Variants in MTHFD1L observed in about 807,000 individuals in gnomAD.
MTHFD1L encodes the protein monofunctional C1-tetrahydrofolate synthase, mitochondrial.
In MTHFD1L, 81 loss-of-function variants were observed where a neutral mutation model predicts 119.5. That is an observed-to-expected ratio of 0.68 (90% CI 0.57 to 0.82). MTHFD1L has a LOEUF of 0.82. MTHFD1L is among the 40% of genes least tolerant of loss of function. The pLI, the probability that MTHFD1L is intolerant of heterozygous loss-of-function variation, is 0.00. For missense variants in MTHFD1L, 1,125 were observed against 1,253.4 expected (o/e 0.90, Z 1.55); for synonymous variants, 430 against 475.2 (o/e 0.90, Z 1.24).
chr6:150,972,510 C>T (rs886678790), intron 20 of MTHFD1L, among the ~76,000 whole-genome samples: 6 of 152,150 alleles, frequency 3.9e-5, no homozygotes, highest in East Asian at 1.9e-4. Context: ...AACAGATAGG[C>T]GCAGTGGCAC....
chr6:151,096,168 A>T (rs1794882077), intron 27 of MTHFD1L, among the ~76,000 whole-genome samples: 1 of 152,148 alleles, frequency 6.6e-6, no homozygotes, highest in South Asian at 2.1e-4. Flanking sequence ...TAATGAGGTA[A>T]TTTTTTCTAA....
intron 20 of MTHFD1L, among the ~76,000 whole-genome samples, chr6:150,973,244 C>G (rs1416921901): frequency 6.6e-6 from 1 of 152,176 alleles, no homozygotes. Context: ...ATTTTATGCT[C>G]AGACATCACA....
At chr6:151,055,358 GC>G (rs1266905669) in intron 26 of MTHFD1L, among the ~76,000 whole-genome samples, 2 of 152,084 alleles carry the variant, frequency 1.3e-5, no homozygotes, top group Admixed American at 6.5e-5. Flanking sequence ...ACTCATTAAT[GC>G]CCCCAGCACC....
intron 13 of MTHFD1L, 67 bp downstream of exon 13, chr6:150,938,812 C>G (rs1405429012): frequency 1.3e-6 from 2 of 1,534,434 alleles, no homozygotes; most frequent in Non-Finnish European, 1.8e-6. Context: ...GTCTCTGCTC[C>G]CATCCACACA....
rs1786279919 is a variant in MTHFD1L, at chr6:151,037,035, G to A, written c.2765G>A (p.Gly922Asp). 3 of 1,611,980 alleles carry A rather than the reference G, an allele frequency of 1.9e-6. No individual in the cohort carries two copies. Among genetic ancestry groups the A allele is most frequent in the Middle Eastern group, 2.3e-4 (1 of 4,430 alleles). The change falls in exon 26 of 28, where the codon GGT (glycine) becomes GAT (aspartate). Residue 922 changes from glycine (G) to aspartate (D), a missense_variant. Coordinates refer to ENST00000367321, the MANE Select transcript of MTHFD1L (RefSeq NM_015440.5). ...CTATCTCACCAACCTGACAAAAAAG[G>A]TGTGCCAAGGGACTTCATCTTACCT... is the stretch of plus-strand genomic sequence containing the variant. ...LSLSHQPDKK[G>D]VPRDFILPIS...
In MTHFD1L at chr6:150,903,203, A is replaced by ATTCTTTTTTT. The variant is rs1562348409; in HGVS notation, c.781-2445_781-2444insCTTTTTTTTT. Among the ~76,000 whole-genome samples the ATTCTTTTTTT allele has an allele frequency of 4.7e-5, 4 of 85,474 alleles. 1 individual carries two copies. Among genetic ancestry groups the ATTCTTTTTTT allele is most frequent in the African/African-American group, 2.0e-4 (4 of 19,990 alleles). The allele number at this position is 85,474 out of a possible 152,430, so 56.1% of individuals were successfully genotyped here. On this transcript the variant is annotated intron_variant, in intron 7 of 27. Coordinates refer to ENST00000367321, the MANE Select transcript of MTHFD1L (RefSeq NM_015440.5). ...GATTGCTGGTGATATTGGCTGCAAAATTTTTTTTTTTTTTTTTTTTTTTTT... is the reference window on the plus strand; with the variant it reads ...GATTGCTGGTGATATTGGCTGCAAAATTCTTTTTTTTTTTTTTTTTTTTTTTTTTTTTTTT...
At position 150,887,968 on chromosome 6, in the gene MTHFD1L, A is replaced by G. The variant is rs761493886; in HGVS notation, c.767A>G (p.Gln256Arg). The change falls in exon 7 of 28, where the codon CAG becomes CGG. Residue 256 changes from glutamine to arginine, a missense_variant. Coordinates refer to ENST00000367321, the MANE Select transcript of MTHFD1L (RefSeq NM_015440.5). ...ATGAGCATCCAGTGGAAAACACGCC[A>G]GCTTCAAAGCAAGGTAAATTTCATG... ...MTMSIQWKTR[Q>R]LQSKLHEADI... The G allele has an allele frequency of 9.4e-6, 15 of 1,601,220 alleles. No individual in the cohort carries two copies. In the South Asian group the frequency reaches 1.7e-4, roughly 18 times the overall value.
At chr6:150,995,930 G>C (rs552787661) in intron 20 of MTHFD1L, among the ~76,000 whole-genome samples, 37 of 150,966 alleles carry the variant, frequency 2.5e-4, no homozygotes, top group Non-Finnish European at 4.1e-4. Context: ...CAAAGTGCTG[G>C]GATTACAGGC....
intron 25 of MTHFD1L, 82 bp downstream of exon 25, chr6:151,034,682 T>G (rs1785877598): frequency 1.2e-6 from 1 of 858,464 alleles, no homozygotes; most frequent in East Asian, 2.5e-5. Context: ...GATTTGTACA[T>G]ATCGCACCAG....
At chr6:150,979,252 G>T (rs373960687) in intron 20 of MTHFD1L, among the ~76,000 whole-genome samples, 1 of 152,084 alleles carries the variant, frequency 6.6e-6, no homozygotes, top group South Asian at 2.1e-4. Context: ...AAAATAAGAA[G>T]AATTTTGGGT....
intron 19 of MTHFD1L, among the ~76,000 whole-genome samples, chr6:150,969,962 C>G (rs1797796266): frequency 6.6e-6 from 1 of 152,138 alleles, no homozygotes; most frequent in Non-Finnish European, 1.5e-5. Context: ...AACTCTTGTA[C>G]CCTGATCCTA....
intron 9 of MTHFD1L, among the ~76,000 whole-genome samples, chr6:150,920,495 A>G (rs1312482446): frequency 6.6e-6 from 1 of 152,216 alleles, no homozygotes; most frequent in Non-Finnish European, 1.5e-5. Flanking sequence ...TGTAAGGATT[A>G]TAAGTTACAT....
At chr6:151,035,872 A>C (rs1786086116) in intron 25 of MTHFD1L, among the ~76,000 whole-genome samples, 2 of 152,200 alleles carry the variant, frequency 1.3e-5, no homozygotes, top group Non-Finnish European at 1.5e-5. Flanking sequence ...AGTTCATAGA[A>C]ATTACTTCAA....
chr6:151,038,414 G>C lies in MTHFD1L; in HGVS notation c.2847+1297G>C, dbSNP rs150571717. Among the ~76,000 whole-genome samples, 482 of 152,174 alleles carry C rather than the reference G, an allele frequency of 3.2e-3. 14 individuals carry two copies. The East Asian group carries it at 0.074, about 23-fold the overall frequency. On this transcript the variant is annotated intron_variant, in intron 26 of 27. Coordinates refer to ENST00000367321, the MANE Select transcript of MTHFD1L (RefSeq NM_015440.5). ...CCGATGTGGCTGGAGTTGGATGAGG[G>C]GGGGTGGCTGGGGATGGGAATGGGA... is the stretch of plus-strand genomic sequence containing the variant.
At chr6:151,082,220 G>A (rs940055794) in intron 26 of MTHFD1L, among the ~76,000 whole-genome samples, 8 of 152,300 alleles carry the variant, frequency 5.3e-5, no homozygotes, top group African/African-American at 1.9e-4. Flanking sequence ...TATGACACAT[G>A]AGGAATGGAA....
At chr6:151,092,725 A>G in intron 27 of MTHFD1L, 138 bp downstream of exon 27, 1 of 606,276 alleles carries the variant, frequency 1.6e-6, no homozygotes, top group Non-Finnish European at 2.9e-6. Flanking sequence ...TTCCTACCAA[A>G]TGATTTTCCG....
At chr6:151,094,430 T>G (rs769294808) in intron 27 of MTHFD1L, among the ~76,000 whole-genome samples, 8 of 152,236 alleles carry the variant, frequency 5.3e-5, no homozygotes, top group Non-Finnish European at 8.8e-5. Context: ...TGGCGTGATC[T>G]CTGCTCACTG....
At chr6:150,880,744 C>A (rs1781273685) in intron 4 of MTHFD1L, among the ~76,000 whole-genome samples, 1 of 152,182 alleles carries the variant, frequency 6.6e-6, no homozygotes, top group South Asian at 2.1e-4. Flanking sequence ...CTCCCCTTTC[C>A]ACATATCCTC....
At chr6:151,084,988 T>A (rs2064975) in intron 26 of MTHFD1L, among the ~76,000 whole-genome samples, 10,402 of 122,662 alleles carry the variant, frequency 0.085, 565 homozygotes, top group African/African-American at 0.16. Flanking sequence ...AAAAAAAATA[T>A]ATATATATAT....
Sources: gnomAD v4.1 joint callset for allele counts (sites outside exome capture counted in the v4.1 genomes callset) on GRCh38, gnomAD v4.1.1 for gene constraint, MANE v1.5 for transcripts, NCBI Gene and HGNC (gene_info 2026-07-23, HGNC 2026-07-21) for gene names.